The following CDK13 variants were observed in gnomAD, a reference collection of about 807,000 sequenced individuals.
CDK13 encodes cyclin dependent kinase 13.
Under a neutral mutation model 137.6 loss-of-function variants are expected in CDK13, and 40 were observed. The ratio of observed to expected loss-of-function variants is 0.29; its 90% CI spans 0.23 to 0.38. The LOEUF (loss-of-function observed/expected upper bound fraction) is 0.38, where lower values mean the gene tolerates loss of function less well. CDK13 is among the 10% of genes least tolerant of loss of function. CDK13 has a pLI of 1.00. For missense variants in CDK13, 1,704 were observed against 1,951.8 expected (o/e 0.87, Z 2.39); for synonymous variants, 869 against 760.1 (o/e 1.14, Z -2.36).
At chr7:40,060,505 G>C (rs935506968) in intron 7 of CDK13, among the ~76,000 whole-genome samples, 5 of 152,082 alleles carry the variant, frequency 3.3e-5, no homozygotes, top group African/African-American at 1.2e-4. Flanking sequence ...TAAAGTTAGA[G>C]GGCAATATAC....
At position 40,001,876 on chromosome 7, in the gene CDK13, TA is replaced by T. The variant is rs780713745; in HGVS notation, c.2205del (p.Val736TyrfsTer32). The T allele has an allele frequency of 1.9e-6, 3 of 1,605,112 alleles. No homozygotes were observed. Among genetic ancestry groups the T allele is most frequent in the Non-Finnish European group, 2.6e-6 (3 of 1,174,716 alleles). On this transcript the variant is annotated frameshift_variant, in exon 5 of 14. Transcript: ENST00000181839. LOFTEE classifies it high-confidence loss of function. ...RDKDTGEMVA[L>X]KKVRLDNEKE... ...TCCTTAATAGGAGAAATGGTAGCCT[TA>T]AAAAAAGTACGTCTGGATAATGAAA...
chr7:39,998,443 C>CAAAAAAAA (rs745306473), intron 3 of CDK13: 1 of 33,138 alleles, frequency 3.0e-5, no homozygotes, highest in Non-Finnish European at 6.5e-5. Flanking sequence ...CCATCTCTAC[C>CAAAAAAAA]AAAAAAAAAA....
At chr7:40,078,529 A>G (rs1786595330) in intron 10 of CDK13, 191 bp from the exon 11 acceptor site, 2 of 294,322 alleles carry the variant, frequency 6.8e-6, no homozygotes, top group Non-Finnish European at 1.2e-5. Flanking sequence ...TAAAAATGAA[A>G]TATTTATTCA....
intron 2 of CDK13, among the ~76,000 whole-genome samples, chr7:39,995,866 C>T (rs1426726820): frequency 7.2e-5 from 11 of 152,026 alleles, no homozygotes; most frequent in African/African-American, 1.4e-4. Flanking sequence ...AAAAATTAGC[C>T]GGGCATGGTG....
Position 39,961,634 on chromosome 7 carries a change from C to CTT in CDK13, c.1211+9794_1211+9795dup, listed in dbSNP as rs35062975. ...CTGTCACAAATGACATAATTTACTTCTTTTTTTTTTTTTAATTATACTTTA... is the reference window on the plus strand; with the variant it reads ...CTGTCACAAATGACATAATTTACTTCTTTTTTTTTTTTTTTAATTATACTTTA... On this transcript the variant is annotated intron_variant, in intron 1 of 13. Coordinates refer to ENST00000181839, the MANE Select transcript of CDK13 (RefSeq NM_003718.5). Among the ~76,000 whole-genome samples, 453 of 147,288 alleles carry CTT rather than the reference C, an allele frequency of 3.1e-3. 1 individual carries two copies. Among genetic ancestry groups the CTT allele is most frequent in the Middle Eastern group, 0.011 (3 of 284 alleles).
intron 5 of CDK13, among the ~76,000 whole-genome samples, chr7:40,042,245 A>AT (rs1785623028): frequency 6.7e-6 from 1 of 150,144 alleles, no homozygotes; most frequent in African/African-American, 2.5e-5. Flanking sequence ...AGCCCAGCTA[A>AT]TTTTTTTGTA....
chr7:39,999,499 T>G lies in CDK13; in HGVS notation c.2181T>G (p.Thr727=), dbSNP rs144563768. Residue 727 remains threonine (T), a splice_region_variant and synonymous_variant, in exon 4 of 14, where the codon ACT becomes ACG. Transcript: ENST00000181839. Reference sequence around the variant, plus strand: ...TTTACAAAGCCAGGGATAAAGACACTGGTAAGAATGCCAAGTTCTGGGGAT... The same window carrying G: ...TTTACAAAGCCAGGGATAAAGACACGGGTAAGAATGCCAAGTTCTGGGGAT... ...GQVYKARDKD[T]GEMVALKKVR... 3.3e-4 allele frequency: 530 copies of G among 1,597,948 alleles called. No homozygotes were observed. The highest frequency in any genetic ancestry group is 4.1e-4 in the Non-Finnish European group (481 of 1,171,550).
chr7:40,051,438 A>G (rs1231339589), intron 7 of CDK13, among the ~76,000 whole-genome samples: 3 of 152,086 alleles, frequency 2.0e-5, no homozygotes, highest in Non-Finnish European at 2.9e-5. Flanking sequence ...TTTTCTAGAT[A>G]TTTTTTGAGA....
chr7:39,990,952 A>G (rs1784442663), intron 2 of CDK13, among the ~76,000 whole-genome samples: 1 of 152,270 alleles, frequency 6.6e-6, no homozygotes, highest in African/African-American at 2.4e-5. Context: ...TATGATTTAC[A>G]TTGTATAATA....
intron 7 of CDK13, among the ~76,000 whole-genome samples, chr7:40,059,539 G>A (rs798858): frequency 0.65 from 98,611 of 152,026 alleles, 33,165 homozygotes; most frequent in African/African-American, 0.84. Context: ...TTGTATTTTC[G>A]GTAGAGATGG....
intron 5 of CDK13, among the ~76,000 whole-genome samples, chr7:40,003,582 T>C (rs1228328893): frequency 6.6e-6 from 1 of 152,200 alleles, no homozygotes; most frequent in South Asian, 2.1e-4. Context: ...GGAAACATTG[T>C]CTTTCATAGT....
At chr7:39,974,773 A>T (rs1784071599) in intron 1 of CDK13, among the ~76,000 whole-genome samples, 1 of 152,104 alleles carries the variant, frequency 6.6e-6, no homozygotes. Flanking sequence ...CATGTTGGTC[A>T]GGCTGGTCTC....
chr7:40,013,088 G>A (rs1170566380), intron 5 of CDK13, among the ~76,000 whole-genome samples: 1 of 152,158 alleles, frequency 6.6e-6, no homozygotes, highest in Non-Finnish European at 1.5e-5. Context: ...CCTTGAAAAT[G>A]AAGGAAATTT....
rs190477216 is a variant in CDK13 at position 39,987,852 on chromosome 7, G to A, written c.1465G>A (p.Ala489Thr). The A allele has an allele frequency of 4.3e-6, 7 of 1,614,184 alleles. No homozygotes were observed. The East Asian group carries it at 1.3e-4, about 31-fold the overall frequency. The change falls in exon 2 of 14, where the codon GCT (alanine) becomes ACT (threonine). Residue 489 changes from alanine (A) to threonine (T), a missense_variant. Physicochemically the swap from Ala to Thr is moderately conservative, Grantham distance 58. This residue lies in a region of CDK13 where 1,051 missense variants were observed against 931.0 expected (regional missense o/e 1.13). Transcript: ENST00000181839. Reference sequence around the variant, plus strand: ...TGAGGCTGCTGCCAAGGCTGCAAAAGCTTCAAACACTTCTACACCTACCAA... The same window carrying A: ...TGAGGCTGCTGCCAAGGCTGCAAAAACTTCAAACACTTCTACACCTACCAA... ...AAEAAAKAAK[A>T]SNTSTPTKGN... is the part of the protein sequence containing the mutation.
intron 9 of CDK13, among the ~76,000 whole-genome samples, chr7:40,074,061 C>T (rs979776965): frequency 6.6e-6 from 1 of 152,018 alleles, no homozygotes; most frequent in Non-Finnish European, 1.5e-5. Context: ...GCCACCATGC[C>T]CAGCTAATTT....
At chr7:40,003,200 A>ACTCTCTCTCTCTCTCTCT (rs1252886780) in intron 5 of CDK13, among the ~76,000 whole-genome samples, 1 of 86,306 alleles carries the variant, frequency 1.2e-5, no homozygotes, top group African/African-American at 4.4e-5. Flanking sequence ...ACACACACAC[A>ACTCTCTCTCTCTCTCTCT]CACACACTCT....
intron 1 of CDK13, among the ~76,000 whole-genome samples, chr7:39,961,444 T>A (rs911812337): frequency 6.6e-6 from 1 of 152,142 alleles, no homozygotes; most frequent in Non-Finnish European, 1.5e-5. Context: ...CGCTAAAATT[T>A]ATTACTTCTG....
intron 1 of CDK13, among the ~76,000 whole-genome samples, chr7:39,963,260 G>GGA (rs1389739296): frequency 6.6e-6 from 1 of 152,190 alleles, no homozygotes; most frequent in African/African-American, 2.4e-5. Flanking sequence ...CCATGAGCTT[G>GGA]GAATGTTCTT....
In CDK13 at chr7:40,094,981, G is replaced by T; in HGVS notation, c.*1G>T. On this transcript the variant is annotated 3_prime_UTR_variant, in exon 14 of 14. Coordinates refer to ENST00000181839, the MANE Select transcript of CDK13 (RefSeq NM_003718.5). ...CAGAGGCAGAGGGTTACCATACTGA[G>T]TATCTGTTTTTCCTCAGGCACATCA... The T allele has an allele frequency of 7.3e-7, 1 of 1,369,832 alleles. No individual in the cohort carries two copies. The highest frequency in any genetic ancestry group is 1.5e-5 in the African/African-American group (1 of 67,744). 84.9% of individuals were successfully genotyped at this position (1,369,832 alleles called of 1,614,324 possible). A position where few individuals can be genotyped will look rare whatever the true frequency, so the allele number is the denominator to read the frequency against.
Sources: gnomAD v4.1 joint callset for allele counts (sites outside exome capture counted in the v4.1 genomes callset) on GRCh38, gnomAD v4.1.1 for gene constraint, gnomAD v4.1.1 regional missense constraint, MANE v1.5 for transcripts, NCBI Gene and HGNC (gene_info 2026-07-23, HGNC 2026-07-21) for gene names.